NRXN3: variants seen among roughly 807,000 people sequenced by gnomAD.
NRXN3 encodes the protein neurexin III.
In NRXN3, 32 loss-of-function variants were observed where a neutral mutation model predicts 137.6. That is an observed-to-expected ratio of 0.23 (90% CI 0.18 to 0.31). The LOEUF is 0.31. Ranked by LOEUF, NRXN3 falls within the 10% of genes least tolerant of loss-of-function variation. NRXN3 has a pLI of 1.00. For missense variants in NRXN3, 1,574 were observed against 2,062.5 expected (o/e 0.76, Z 4.59); for synonymous variants, 798 against 784.5 (o/e 1.02, Z -0.29).
intron 15 of NRXN3, among the ~76,000 whole-genome samples, chr14:79,237,020 A>C (rs1248160096): frequency 1.3e-5 from 2 of 152,100 alleles, no homozygotes; most frequent in African/African-American, 4.8e-5. Context: ...CACTGCTTGC[A>C]AACATGTACA....
intron 15 of NRXN3, among the ~76,000 whole-genome samples, chr14:79,133,873 G>A (rs540813638): frequency 6.6e-6 from 1 of 150,522 alleles, no homozygotes. Flanking sequence ...AGCTTGCAGT[G>A]AGCAGAGATC....
At chr14:78,222,485 A>G (rs1173650278) in intron 1 of NRXN3, among the ~76,000 whole-genome samples, 1 of 152,202 alleles carries the variant, frequency 6.6e-6, no homozygotes, top group South Asian at 2.1e-4. Flanking sequence ...CTTCCGGACT[A>G]ACTGAGGAGG....
chr14:79,692,252 G>A lies in NRXN3; in HGVS notation c.3696G>A (p.Leu1232=). 6.2e-7 allele frequency: 1 copy of A among 1,605,088 alleles called. No homozygotes were observed. The highest frequency in any genetic ancestry group is 8.5e-7 in the Non-Finnish European group (1 of 1,175,926). ...ATAATCGGCCTGTAGAGGAGTGGCT[G>A]CAGGAAAAAGGTAACCGTCATTAAA... ...FKYNRPVEEW[L]QEKGRQLTIF... is the part of the protein sequence containing the mutation. Residue 1232 remains leucine (L), a synonymous_variant, in exon 18 of 21, where the codon CTG becomes CTA. Coordinates refer to ENST00000335750, the MANE Select transcript of NRXN3 (RefSeq NM_001330195.2).
At chr14:79,814,567 G>C (rs747935239) in intron 20 of NRXN3, among the ~76,000 whole-genome samples, 2 of 152,196 alleles carry the variant, frequency 1.3e-5, no homozygotes, top group African/African-American at 2.4e-5. Context: ...ACAGCAAACT[G>C]ATCAACGACA....
intron 4 of NRXN3, among the ~76,000 whole-genome samples, chr14:78,436,482 A>G (rs765699167): frequency 7.8e-4 from 119 of 152,310 alleles, no homozygotes; most frequent in African/African-American, 2.8e-3. Flanking sequence ...AGAACTATCA[A>G]TGAGCAGATT....
intron 10 of NRXN3, among the ~76,000 whole-genome samples, chr14:78,840,645 G>A (rs1471350280): frequency 1.2e-4 from 19 of 152,066 alleles, no homozygotes; most frequent in Admixed American, 1.2e-3. Flanking sequence ...TATCCAGAAT[G>A]TTGCTCGTCA....
At chr14:79,731,030 T>C (rs772505730) in intron 19 of NRXN3, among the ~76,000 whole-genome samples, 1 of 152,176 alleles carries the variant, frequency 6.6e-6, no homozygotes, top group Non-Finnish European at 1.5e-5. Context: ...CAGAAATATA[T>C]TGAATGAAAA....
chr14:79,024,055 A>C (rs2152457803), intron 15 of NRXN3, among the ~76,000 whole-genome samples: 1 of 152,240 alleles, frequency 6.6e-6, no homozygotes, highest in African/African-American at 2.4e-5. Flanking sequence ...ATAAAGTACA[A>C]GCAAAGTTAA....
intron 15 of NRXN3, among the ~76,000 whole-genome samples, chr14:79,334,685 A>G (rs1352834146): frequency 1.3e-5 from 2 of 152,184 alleles, no homozygotes; most frequent in African/African-American, 4.8e-5. Context: ...GACTGGAGCC[A>G]CCGAGGAGGC....
chr14:79,172,074 T>TA (rs1485926886), intron 15 of NRXN3, among the ~76,000 whole-genome samples: 2 of 152,140 alleles, frequency 1.3e-5, no homozygotes, highest in Non-Finnish European at 2.9e-5. Context: ...GAGCATATTT[T>TA]AAAATATCTT....
intron 15 of NRXN3, among the ~76,000 whole-genome samples, chr14:79,042,930 C>T (rs117466713): frequency 0.028 from 4,225 of 151,734 alleles, 91 homozygotes; most frequent in Non-Finnish European, 0.04. Flanking sequence ...ATTATCACTG[C>T]AGTAGAATGG....
chr14:78,479,481 C>T (rs369877759), intron 4 of NRXN3, among the ~76,000 whole-genome samples: 24 of 152,222 alleles, frequency 1.6e-4, no homozygotes, highest in African/African-American at 2.9e-4. Context: ...GTTTAAGAAA[C>T]GTTGATTTAA....
intron 4 of NRXN3, among the ~76,000 whole-genome samples, chr14:78,475,799 C>T (rs2095367919): frequency 6.6e-6 from 1 of 152,094 alleles, no homozygotes; most frequent in Non-Finnish European, 1.5e-5. Context: ...TTGTGCATTG[C>T]TTAGAGAAGA....
chr14:79,405,606 C>A (rs2095294888), intron 15 of NRXN3, among the ~76,000 whole-genome samples: 1 of 152,152 alleles, frequency 6.6e-6, no homozygotes, highest in South Asian at 2.1e-4. Flanking sequence ...AAGAGAGGAG[C>A]AACTAATCAA....
intron 15 of NRXN3, among the ~76,000 whole-genome samples, chr14:79,139,296 G>A (rs1480242934): frequency 6.6e-6 from 1 of 152,096 alleles, no homozygotes. Context: ...GTACTATCTT[G>A]TCACAGAAGA....
At chr14:79,298,057 AT>A (rs1450346612) in intron 15 of NRXN3, among the ~76,000 whole-genome samples, 1 of 151,898 alleles carries the variant, frequency 6.6e-6, no homozygotes, top group Admixed American at 6.6e-5. Flanking sequence ...ATTTCTGTCT[AT>A]TTTTTAACAG....
intron 1 of NRXN3, among the ~76,000 whole-genome samples, chr14:78,175,728 G>C (rs61975962): frequency 0.16 from 24,675 of 152,118 alleles, 2,562 homozygotes; most frequent in Middle Eastern, 0.24. Context: ...ACTATGGATG[G>C]GGCCCACTCC....
At chr14:78,737,622 AG>A (rs996335315) in intron 8 of NRXN3, among the ~76,000 whole-genome samples, 1 of 152,060 alleles carries the variant, frequency 6.6e-6, no homozygotes, top group Admixed American at 6.5e-5. Flanking sequence ...ATGGCAAAAA[AG>A]GGGGGGAGGG....
At chr14:79,758,651 A>C (rs2139338037) in intron 19 of NRXN3, among the ~76,000 whole-genome samples, 1 of 152,320 alleles carries the variant, frequency 6.6e-6, no homozygotes, top group African/African-American at 2.4e-5. Flanking sequence ...GAACTGCACA[A>C]GGATACTATA....
Sources: gnomAD v4.1 joint callset for allele counts (sites outside exome capture counted in the v4.1 genomes callset) on GRCh38, gnomAD v4.1.1 for gene constraint, MANE v1.5 for transcripts, NCBI Gene and HGNC (gene_info 2026-07-23, HGNC 2026-07-21) for gene names.